The following ZEB1 variants were observed in gnomAD, a reference collection of about 807,000 sequenced individuals.
ZEB1 encodes zinc finger E-box-binding homeobox 1.
ZEB1 carries 21 observed loss-of-function variants against 84.9 expected under a neutral mutation model. The observed-to-expected ratio is 0.25, with a 90% confidence interval of 0.18 to 0.36. The LOEUF (loss-of-function observed/expected upper bound fraction) is 0.36, where lower values mean the gene tolerates loss of function less well. ZEB1 is among the 10% of genes least tolerant of loss of function. ZEB1 has a pLI of 1.00. For missense variants in ZEB1, 1,104 were observed against 1,330.2 expected (o/e 0.83, Z 2.65); for synonymous variants, 420 against 471.1 (o/e 0.89, Z 1.41).
At chr10:31,326,020 GA>G (rs910922034) in intron 1 of ZEB1, among the ~76,000 whole-genome samples, 4 of 143,172 alleles carry the variant, frequency 2.8e-5, no homozygotes, top group Admixed American at 6.9e-5. Context: ...GTTTGCTGAT[GA>G]AAAAAACTCA....
At chr10:31,326,021 A>G (rs556013582) in intron 1 of ZEB1, among the ~76,000 whole-genome samples, 3 of 150,212 alleles carry the variant, frequency 2.0e-5, no homozygotes, top group East Asian at 2.0e-4. Context: ...TTTGCTGATG[A>G]AAAAAACTCA....
chr10:31,463,113 C>T (rs1362349457), intron 2 of ZEB1, among the ~76,000 whole-genome samples: 1 of 151,994 alleles, frequency 6.6e-6, no homozygotes, highest in East Asian at 1.9e-4. Flanking sequence ...TATTTCTTAT[C>T]TGTGGCCTGA....
chr10:31,362,589 C>T (rs1194334035), intron 1 of ZEB1, among the ~76,000 whole-genome samples: 6 of 151,374 alleles, frequency 4.0e-5, no homozygotes, highest in South Asian at 2.1e-4. Context: ...AGGCTCTTGT[C>T]GCTTCCCAGA....
At chr10:31,383,172 T>C (rs1331516531) in intron 1 of ZEB1, among the ~76,000 whole-genome samples, 1 of 152,104 alleles carries the variant, frequency 6.6e-6, no homozygotes, top group Non-Finnish European at 1.5e-5. Context: ...ATGATTATTT[T>C]TGGAGACTAT....
At chr10:31,511,005 TAAAAGTG>T in intron 5 of ZEB1, 130 bp downstream of exon 5, 1 of 875,902 alleles carries the variant, frequency 1.1e-6, no homozygotes, top group East Asian at 2.7e-5. Context: ...TGCAGCCTTA[TAAAAGTG>T]AAAATGATTA....
In ZEB1 at chr10:31,387,365, C is replaced by T. The variant is rs929351445; in HGVS notation, c.58+68073C>T. On this transcript the variant is annotated intron_variant, in intron 1 of 8. Coordinates refer to ENST00000424869, the MANE Select transcript of ZEB1 (RefSeq NM_001174096.2). ...TGAGGGTGTGAGACCTTCAGACGTT[C>T]GCACAGAAGGGAGGCCCTACCTGTG... 9 of 949,880 alleles carry T rather than the reference C, an allele frequency of 9.5e-6. No individual in the cohort carries two copies. The African/African-American group carries it at 1.1e-4, about 11-fold the overall frequency. 58.8% of individuals were successfully genotyped at this position (949,880 alleles called of 1,614,324 possible).
At chr10:31,321,411 T>G in intron 1 of ZEB1, 1 of 1,607,796 alleles carries the variant, frequency 6.2e-7, no homozygotes, top group Non-Finnish European at 8.5e-7. Context: ...TGTGGAGAGA[T>G]GACTTGTTAT....
intron 1 of ZEB1, among the ~76,000 whole-genome samples, chr10:31,442,709 AAAAG>A (rs2059180358): frequency 6.6e-6 from 1 of 152,130 alleles, no homozygotes; most frequent in African/African-American, 2.4e-5. Flanking sequence ...AAAGAAACGA[AAAAG>A]AAGCAGTTGG....
chr10:31,345,302 G>T (rs1202772563), intron 1 of ZEB1, among the ~76,000 whole-genome samples: 4 of 152,076 alleles, frequency 2.6e-5, no homozygotes, highest in African/African-American at 9.7e-5. Context: ...ATTGGCAGGG[G>T]CGGGGGTTGT....
intron 2 of ZEB1, among the ~76,000 whole-genome samples, chr10:31,477,091 C>T (rs2064320526): frequency 6.6e-6 from 1 of 151,968 alleles, no homozygotes; most frequent in Non-Finnish European, 1.5e-5. Context: ...AAACAAAAGG[C>T]ATCCAGATTG....
chr10:31,326,200 C>T (rs1437562283), intron 1 of ZEB1, among the ~76,000 whole-genome samples: 1 of 152,074 alleles, frequency 6.6e-6, no homozygotes, highest in East Asian at 1.9e-4. Flanking sequence ...GATACAGTGA[C>T]ATATGGAATA....
At chr10:31,497,607 C>G (rs2067433484) in intron 3 of ZEB1, among the ~76,000 whole-genome samples, 1 of 152,036 alleles carries the variant, frequency 6.6e-6, no homozygotes, top group Non-Finnish European at 1.5e-5. Context: ...AAATGATGTC[C>G]TGCCTTTGCT....
chr10:31,439,200 T>C (rs906829399), intron 1 of ZEB1, among the ~76,000 whole-genome samples: 1 of 152,298 alleles, frequency 6.6e-6, no homozygotes, highest in African/African-American at 2.4e-5. Context: ...AAGGATGGAA[T>C]CAAACTATTT....
intron 1 of ZEB1, among the ~76,000 whole-genome samples, chr10:31,341,948 G>GT (rs984939869): frequency 2.0e-5 from 3 of 152,190 alleles, no homozygotes; most frequent in Non-Finnish European, 4.4e-5. Flanking sequence ...AGATGGTACA[G>GT]TAAAAGTTGT....
At chr10:31,518,058 T>C (rs908782415) in intron 6 of ZEB1, among the ~76,000 whole-genome samples, 39 of 152,196 alleles carry the variant, frequency 2.6e-4, no homozygotes, top group Admixed American at 1.6e-3. Flanking sequence ...TAGATGTTTA[T>C]CTTTCTAGCG....
intron 3 of ZEB1, among the ~76,000 whole-genome samples, chr10:31,499,722 G>A (rs922927153): frequency 1.1e-4 from 16 of 151,732 alleles, no homozygotes; most frequent in African/African-American, 3.9e-4. Context: ...CCAAGATCGC[G>A]CCATTGCACT....
rs1167748168 is a variant in ZEB1, at chr10:31,446,337, A to G, written c.59-14700A>G. Among the ~76,000 whole-genome samples, 2 of 151,892 alleles carry G rather than the reference A, an allele frequency of 1.3e-5. 1 individual carries two copies. The highest frequency in any genetic ancestry group is 4.8e-5 in the African/African-American group (2 of 41,310). On this transcript the variant is annotated intron_variant, in intron 1 of 8. Transcript: ENST00000424869. ...TATTAGTCTTGCTAGTGGTCTATCA[A>G]TTTTGTTGATCCTTTCAAAAAACCA...
chr10:31,418,129 G>A (rs2055531794), intron 1 of ZEB1, among the ~76,000 whole-genome samples: 1 of 151,850 alleles, frequency 6.6e-6, no homozygotes, highest in Non-Finnish European at 1.5e-5. Context: ...TGTTTGCTAT[G>A]GGAATACACC....
chr10:31,425,537 A>G (rs2056817997), intron 1 of ZEB1, among the ~76,000 whole-genome samples: 1 of 152,150 alleles, frequency 6.6e-6, no homozygotes, highest in African/African-American at 2.4e-5. Context: ...ATATTCTACA[A>G]TAAACCTGAG....
Sources: allele counts gnomAD v4.1 joint callset (sites outside exome capture counted in the v4.1 genomes callset), GRCh38; gene constraint gnomAD v4.1.1; transcripts MANE v1.5; gene names NCBI Gene and HGNC (gene_info 2026-07-23, HGNC 2026-07-21).